The following GRIN2A variants were observed in gnomAD, a reference collection of about 807,000 sequenced individuals.
The protein encoded by GRIN2A is glutamate receptor ionotropic, NMDA 2A.
Under a neutral mutation model 113.4 loss-of-function variants are expected in GRIN2A, and 22 were observed. The ratio of observed to expected loss-of-function variants is 0.19; its 90% CI spans 0.14 to 0.28. GRIN2A has a LOEUF of 0.28. Ranked by LOEUF, GRIN2A falls within the 10% of genes least tolerant of loss-of-function variation. GRIN2A has a pLI of 1.00. For synonymous variants in GRIN2A, 827 were observed against 738.4 expected (o/e 1.12, Z -1.94); for missense variants, 1,502 against 1,887.0 (o/e 0.80, Z 3.78).
At chr16:9,909,378 AGCCAGCCCTAG>A (rs1455186383) in intron 3 of GRIN2A, among the ~76,000 whole-genome samples, 1 of 152,222 alleles carries the variant, frequency 6.6e-6, no homozygotes, top group African/African-American at 2.4e-5. Context: ...AAAGAATGAA[AGCCAGCCCTAG>A]GTTGAGCTGT....
chr16:9,759,749 G>A lies in GRIN2A; in HGVS notation c.*3400C>T, dbSNP rs995638620. On this transcript the variant is annotated 3_prime_UTR_variant, in exon 13 of 13. Transcript: ENST00000330684. ...ACAGTAATGAGTGGTGAGATTGTGA[G>A]ATTATAATCCTGCAAGTCTCTCTGG... 5 of 228,318 alleles carry A rather than the reference G, an allele frequency of 2.2e-5. No homozygotes were observed. The highest frequency in any genetic ancestry group is 4.3e-5 in the Non-Finnish European group (5 of 115,062). 14.1% of individuals were successfully genotyped at this position (228,318 alleles called of 1,614,324 possible).
chr16:9,933,670 T>C (rs558056290), intron 3 of GRIN2A, among the ~76,000 whole-genome samples: 1 of 152,286 alleles, frequency 6.6e-6, no homozygotes, highest in African/African-American at 2.4e-5. Flanking sequence ...AGCTGGTAGA[T>C]CTAACACAGG....
chr16:10,106,594 C>A (rs562691865), intron 2 of GRIN2A, among the ~76,000 whole-genome samples: 2 of 151,966 alleles, frequency 1.3e-5, no homozygotes, highest in Non-Finnish European at 2.9e-5. Flanking sequence ...ATCCCTGGTA[C>A]CTGGAAGTGG....
chr16:10,179,894 ACTT>A, intron 2 of GRIN2A, 101 bp downstream of exon 2: 5 of 281,796 alleles, frequency 1.8e-5, no homozygotes, highest in Non-Finnish European at 3.6e-5. Context: ...CCCCACCCCC[ACTT>A]CACATCAAGA....
intron 2 of GRIN2A, among the ~76,000 whole-genome samples, chr16:10,073,004 G>A (rs1288007790): frequency 1.4e-5 from 2 of 140,158 alleles, no homozygotes; most frequent in African/African-American, 5.4e-5. Context: ...GGCCCAGGCT[G>A]GAGTACAGTG....
At chr16:9,985,407 G>C (rs1406238023) in intron 2 of GRIN2A, among the ~76,000 whole-genome samples, 2 of 152,156 alleles carry the variant, frequency 1.3e-5, no homozygotes, top group Non-Finnish European at 2.9e-5. Context: ...ATTTGTTGCA[G>C]CACTACTCAC....
intron 2 of GRIN2A, among the ~76,000 whole-genome samples, chr16:10,033,122 A>G (rs1177925820): frequency 6.6e-6 from 1 of 152,168 alleles, no homozygotes; most frequent in Non-Finnish European, 1.5e-5. Context: ...AGATGCATGT[A>G]TCTGACACCC....
At chr16:9,807,113 G>A (rs2041986549) in intron 10 of GRIN2A, among the ~76,000 whole-genome samples, 2 of 149,912 alleles carry the variant, frequency 1.3e-5, no homozygotes, top group South Asian at 2.1e-4. Context: ...GGAACTTTGA[G>A]TCCATTAAAC....
chr16:9,862,963 C>T lies in GRIN2A; in HGVS notation c.1123-13002G>A, dbSNP rs148123918. On this transcript the variant is annotated intron_variant, in intron 4 of 12. Transcript: ENST00000330684. ...TATTGAGGTACTGTGATCACCCCAA[C>T]GGGCATTTTCTATTTTACCCTCACA... 5.1e-3 allele frequency among the ~76,000 whole-genome samples: 772 copies of T among 152,206 alleles called. 4 individuals are homozygous for T. Among genetic ancestry groups the T allele is most frequent in the African/African-American group, 0.016 (682 of 41,540 alleles).
intron 2 of GRIN2A, among the ~76,000 whole-genome samples, chr16:10,115,035 C>G (rs1433972352): frequency 6.6e-6 from 1 of 152,222 alleles, no homozygotes; most frequent in African/African-American, 2.4e-5. Flanking sequence ...AAATTATTCT[C>G]TGGTTCATTT....
At chr16:9,858,097 G>A (rs2042999001) in intron 4 of GRIN2A, among the ~76,000 whole-genome samples, 2 of 152,220 alleles carry the variant, frequency 1.3e-5, no homozygotes, top group African/African-American at 4.8e-5. Context: ...GCTCAGGAAT[G>A]TGCATGTGAC....
intron 10 of GRIN2A, among the ~76,000 whole-genome samples, chr16:9,821,872 C>G (rs1398899311): frequency 6.6e-6 from 1 of 152,166 alleles, no homozygotes; most frequent in Non-Finnish European, 1.5e-5. Context: ...CTCCTACTAG[C>G]AAGCTACTCC....
chr16:9,902,498 G>A (rs1187848550), intron 3 of GRIN2A, among the ~76,000 whole-genome samples: 2 of 152,214 alleles, frequency 1.3e-5, no homozygotes, highest in Non-Finnish European at 2.9e-5. Context: ...AGAATTCAAT[G>A]CCTATCTTCT....
intron 11 of GRIN2A, among the ~76,000 whole-genome samples, chr16:9,796,277 C>T (rs1902976505): frequency 6.6e-6 from 1 of 152,192 alleles, no homozygotes; most frequent in South Asian, 2.1e-4. Context: ...TTCATCCATA[C>T]ATGTATTTAT....
rs113398153 is a variant in GRIN2A, at chr16:9,837,230, G to A, written c.1652-3000C>T. On this transcript the variant is annotated intron_variant, in intron 7 of 12. Coordinates refer to ENST00000330684, the MANE Select transcript of GRIN2A (RefSeq NM_001134407.3). ...GGTGCACAGTCAATCAAATAGGGAT[G>A]TAATTTAGTGACTAGGAAAAATATT... Among the ~76,000 whole-genome samples the A allele has an allele frequency of 8.2e-3, 1,253 of 152,260 alleles. 6 individuals carry two copies. The highest frequency in any genetic ancestry group is 0.013 in the Non-Finnish European group (868 of 68,002).
At chr16:9,883,371 T>C (rs2043522153) in intron 4 of GRIN2A, among the ~76,000 whole-genome samples, 1 of 152,174 alleles carries the variant, frequency 6.6e-6, no homozygotes, top group South Asian at 2.1e-4. Flanking sequence ...TCTTGGGGAT[T>C]CTAGTCTAAG....
intron 2 of GRIN2A, among the ~76,000 whole-genome samples, chr16:9,950,423 G>A (rs570342830): frequency 1.3e-5 from 2 of 152,132 alleles, no homozygotes; most frequent in South Asian, 4.2e-4. Flanking sequence ...AACTACCAAG[G>A]GTCTAGGAGG....
At chr16:9,779,831 G>T (rs1901837488) in intron 11 of GRIN2A, among the ~76,000 whole-genome samples, 1 of 152,208 alleles carries the variant, frequency 6.6e-6, no homozygotes, top group South Asian at 2.1e-4. Flanking sequence ...GGGTGAGACA[G>T]TGGCCAGGGA....
intron 4 of GRIN2A, among the ~76,000 whole-genome samples, chr16:9,865,170 C>G (rs1220274044): frequency 1.3e-5 from 2 of 152,186 alleles, no homozygotes; most frequent in East Asian, 3.9e-4. Context: ...CAGTAATAAG[C>G]TTAACGACAG....
Sources: gnomAD v4.1 joint callset for allele counts (sites outside exome capture counted in the v4.1 genomes callset) on GRCh38, gnomAD v4.1.1 for gene constraint, MANE v1.5 for transcripts, NCBI Gene and HGNC (gene_info 2026-07-23, HGNC 2026-07-21) for gene names.